Variants in HSD17B3 observed in about 807,000 individuals in gnomAD.
HSD17B3 encodes 17-beta-hydroxysteroid dehydrogenase type 3.
Under a neutral mutation model 41.1 loss-of-function variants are expected in HSD17B3, and 29 were observed. That is an observed-to-expected ratio of 0.71 (90% CI 0.53 to 0.96). The LOEUF is 0.96. Ranked by LOEUF, HSD17B3 falls within the 40% of genes least tolerant of loss-of-function variation. HSD17B3 has a pLI of 0.00. For missense variants in HSD17B3, 323 were observed against 374.6 expected (o/e 0.86, Z 1.14); for synonymous variants, 126 against 145.6 (o/e 0.87, Z 0.97).
chr9:96,246,802 G>A (rs555593839), intron 6 of HSD17B3, among the ~76,000 whole-genome samples: 6 of 152,178 alleles, frequency 3.9e-5, no homozygotes, highest in Non-Finnish European at 5.9e-5. Context: ...CAAATGACAG[G>A]CTGCTCTGGG....
At position 96,284,215 on chromosome 9, in the gene HSD17B3, TAAAA is replaced by T. The variant is rs569621446; in HGVS notation, c.201+14197_201+14200del. On this transcript the variant is annotated intron_variant, in intron 2 of 10. Transcript: ENST00000375263. ...TGGGTGACAAAGTGAGACTCCATCT[TAAAA>T]AAAAAAAAAAAAAAAAAAAAAGACT... 7.0e-3 allele frequency among the ~76,000 whole-genome samples: 698 copies of T among 100,204 alleles called. 7 individuals are homozygous for T. The highest frequency in any genetic ancestry group is 0.021 in the South Asian group (57 of 2,720). 65.7% of individuals were successfully genotyped at this position (100,204 alleles called of 152,430 possible).
intron 2 of HSD17B3, among the ~76,000 whole-genome samples, chr9:96,265,655 T>C (rs894181833): frequency 1.3e-5 from 2 of 152,234 alleles, no homozygotes; most frequent in African/African-American, 4.8e-5. Context: ...ATATATATGA[T>C]ATTTATTCAT....
intron 2 of HSD17B3, among the ~76,000 whole-genome samples, chr9:96,261,430 G>A (rs1258206562): frequency 6.6e-6 from 1 of 152,186 alleles, no homozygotes; most frequent in African/African-American, 2.4e-5. Context: ...GCTGACCTCA[G>A]GTGATCCGCC....
In HSD17B3 at chr9:96,254,929, TCCA is replaced by T. The variant is rs1179808670; in HGVS notation, c.213_215del (p.Gly72del). 1.2e-6 allele frequency: 2 copies of T among 1,613,892 alleles called. No individual in the cohort carries two copies. The highest frequency in any genetic ancestry group is 1.7e-6 in the Non-Finnish European group (2 of 1,179,932). On this transcript the variant is annotated inframe_deletion, in exon 3 of 11. Coordinates refer to ENST00000375263, the MANE Select transcript of HSD17B3 (RefSeq NM_000197.2). ...TCCGGCTAATAAGGACAACATTGAG[TCCA>T]CGTTTTGCTAGCTGAGAGTGGGAGT... is the stretch of plus-strand genomic sequence containing the variant.
At chr9:96,301,528 T>C (rs1427578625) in intron 1 of HSD17B3, among the ~76,000 whole-genome samples, 1 of 149,924 alleles carries the variant, frequency 6.7e-6, no homozygotes, top group African/African-American at 2.5e-5. Flanking sequence ...CTGGCCAACA[T>C]GGGGGAACCC....
chr9:96,249,856 C>T, intron 5 of HSD17B3, 70 bp from the exon 6 acceptor site: 1 of 1,612,782 alleles, frequency 6.2e-7, no homozygotes, highest in Non-Finnish European at 8.5e-7. Context: ...GTAGTTGGTG[C>T]TAAAGAACCA....
chr9:96,259,441 G>C (rs1479641232), intron 2 of HSD17B3, among the ~76,000 whole-genome samples: 1 of 152,188 alleles, frequency 6.6e-6, no homozygotes, highest in East Asian at 1.9e-4. Context: ...TGTGTGGCGT[G>C]GCCGGGCACA....
chr9:96,289,127 G>GA (rs200443748), intron 2 of HSD17B3, among the ~76,000 whole-genome samples: 4,438 of 142,664 alleles, frequency 0.031, 209 homozygotes, highest in African/African-American at 0.1. Flanking sequence ...AACAAAAACA[G>GA]AAAAAAAAAA....
chr9:96,251,294 T>C, intron 5 of HSD17B3, 124 bp downstream of exon 5: 1 of 776,652 alleles, frequency 1.3e-6, no homozygotes, highest in Non-Finnish European at 2.3e-6. Flanking sequence ...CCTCAATACA[T>C]ACAGTCCAGG....
intron 2 of HSD17B3, among the ~76,000 whole-genome samples, chr9:96,272,405 C>CTCTCTCTCTCTCTCTATA (rs1239816824): frequency 3.7e-4 from 8 of 21,534 alleles, no homozygotes; most frequent in Non-Finnish European, 5.3e-4. Context: ...CTCTCTCTCT[C>CTCTCTCTCTCTCTCTATA]TATATATATA....
At chr9:96,259,494 G>A (rs570198007) in intron 2 of HSD17B3, among the ~76,000 whole-genome samples, 1 of 152,268 alleles carries the variant, frequency 6.6e-6, no homozygotes, top group Non-Finnish European at 1.5e-5. Flanking sequence ...AGGCCGAGGT[G>A]GGCGGATCAT....
chr9:96,264,311 G>A (rs1825967617), intron 2 of HSD17B3, among the ~76,000 whole-genome samples: 1 of 151,938 alleles, frequency 6.6e-6, no homozygotes, highest in Non-Finnish European at 1.5e-5. Context: ...GGTTGCACAT[G>A]GGAAGACGGG....
At chr9:96,276,737 C>A (rs139767789) in intron 2 of HSD17B3, among the ~76,000 whole-genome samples, 1 of 152,040 alleles carries the variant, frequency 6.6e-6, no homozygotes, top group Non-Finnish European at 1.5e-5. Context: ...TATCTCACAC[C>A]GTATACACAA....
chr9:96,288,547 G>A (rs907555793), intron 2 of HSD17B3, among the ~76,000 whole-genome samples: 4 of 152,054 alleles, frequency 2.6e-5, no homozygotes, highest in African/African-American at 7.2e-5. Context: ...TTGGGAGGCC[G>A]AGGCAGGAGG....
At chr9:96,257,929 G>T (rs1477358708) in intron 2 of HSD17B3, among the ~76,000 whole-genome samples, 1 of 152,244 alleles carries the variant, frequency 6.6e-6, no homozygotes, top group East Asian at 1.9e-4. Context: ...CTCCCAAAGT[G>T]CCAGGATTAC....
chr9:96,278,738 G>T (rs1826570167), intron 2 of HSD17B3, among the ~76,000 whole-genome samples: 1 of 152,166 alleles, frequency 6.6e-6, no homozygotes, highest in Non-Finnish European at 1.5e-5. Flanking sequence ...CTGCTGTTAA[G>T]TATTGGGTTT....
chr9:96,257,618 C>A (rs1825719521), intron 2 of HSD17B3, among the ~76,000 whole-genome samples: 1 of 152,108 alleles, frequency 6.6e-6, no homozygotes. Context: ...CCATAGCAGT[C>A]CACGAAGAAC....
intron 2 of HSD17B3, among the ~76,000 whole-genome samples, chr9:96,271,670 G>C (rs1225666247): frequency 6.6e-6 from 1 of 152,220 alleles, no homozygotes; most frequent in Non-Finnish European, 1.5e-5. Flanking sequence ...AACTTGCTCA[G>C]ATCTACTTGC....
At chr9:96,283,324 C>T (rs1338771033) in intron 2 of HSD17B3, among the ~76,000 whole-genome samples, 1 of 152,032 alleles carries the variant, frequency 6.6e-6, no homozygotes, top group Non-Finnish European at 1.5e-5. Context: ...AAAGCAAAAA[C>T]CTGCTTATAA....
Sources: gnomAD v4.1 joint callset for allele counts (sites outside exome capture counted in the v4.1 genomes callset) on GRCh38, gnomAD v4.1.1 for gene constraint, MANE v1.5 for transcripts, NCBI Gene and HGNC (gene_info 2026-07-23, HGNC 2026-07-21) for gene names.